The following PSMC3 variants were observed in gnomAD, a reference collection of about 807,000 sequenced individuals.
PSMC3 encodes proteasome 26S subunit, ATPase 3, also known as 26S proteasome regulatory subunit 6A.
PSMC3 carries 11 observed loss-of-function variants against 52.0 expected under a neutral mutation model. The ratio of observed to expected loss-of-function variants is 0.21; its 90% CI spans 0.13 to 0.35. PSMC3 has a LOEUF of 0.35. PSMC3 is among the 10% of genes least tolerant of loss of function. The probability of loss-of-function intolerance (pLI) is 1.00; values close to 1 mark genes in which losing one functional copy is unlikely to be tolerated. For synonymous variants in PSMC3, 201 were observed against 218.8 expected (o/e 0.92, Z 0.72); for missense variants, 238 against 567.1 (o/e 0.42, Z 5.89).
At chr11:47,419,921 T>A (rs3781627) in intron 10 of PSMC3, among the ~76,000 whole-genome samples, 103,617 of 151,620 alleles carry the variant, frequency 0.68, 35,347 homozygotes, top group East Asian at 0.71. Context: ...CTGAGAGTCA[T>A]ACATATCTGA....
rs2096041267 is a variant in PSMC3 at position 47,422,056 on chromosome 11, T to C, written c.884+518A>G. Among the ~76,000 whole-genome samples, 1 of 151,772 alleles carries C rather than the reference T, an allele frequency of 6.6e-6. No individual in the cohort carries two copies. The highest frequency in any genetic ancestry group is 6.6e-5 in the Admixed American group (1 of 15,228). On this transcript the variant is annotated intron_variant, in intron 8 of 11. Transcript: ENST00000298852. The surrounding 1 kb of genome is among the most constrained non-coding windows in gnomAD (Gnocchi z 4.3). ...TTTTTTTGTTTTGTTTTCTTTTTTT[T>C]TTTTTGAGACAGAGTCTCACTCTTT... is the stretch of plus-strand genomic sequence containing the variant.
intron 2 of PSMC3, chr11:47,425,605 T>C: frequency 1.8e-6 from 1 of 542,196 alleles, no homozygotes; most frequent in African/African-American, 1.9e-5. Context: ...AAAAGAAGGA[T>C]TCTTGAGAGG....
rs1319121113 is a variant in PSMC3, at chr11:47,422,415, T to A, written c.884+159A>T. 1.3e-5 allele frequency among the ~76,000 whole-genome samples: 2 copies of A among 152,014 alleles called. No homozygotes were observed. Among genetic ancestry groups the A allele is most frequent in the Non-Finnish European group, 2.9e-5 (2 of 67,992 alleles). On this transcript the variant is annotated intron_variant, in intron 8 of 11. Coordinates refer to ENST00000298852, the MANE Select transcript of PSMC3 (RefSeq NM_002804.5). The surrounding 1 kb of genome is among the most constrained non-coding windows in gnomAD (Gnocchi z 4.3). ...GCTGGGGAAACAGGGAGGCTATTGA[T>A]CAGGAGTTAGGAATTGGAATCTCAA...
Position 47,424,564 on chromosome 11 carries a change from C to G in PSMC3, c.390+43G>C. The G allele has an allele frequency of 6.2e-7, 1 of 1,604,876 alleles. No homozygotes were observed. Among genetic ancestry groups the G allele is most frequent in the Admixed American group, 1.7e-5 (1 of 60,004 alleles). ...GCTCCCTAGTCCTGTCCCACATCCG[C>G]TCCTCACCCTCCTCCAGTCTCTCAT... On this transcript the variant is annotated intron_variant, in intron 4 of 11. Coordinates refer to ENST00000298852, the MANE Select transcript of PSMC3 (RefSeq NM_002804.5). This position sits in a 1 kb window ranked among gnomAD's most constrained non-coding sequence, Gnocchi z 4.8.
At chr11:47,425,058 C>T (rs1381080376) in intron 3 of PSMC3, 63 bp downstream of exon 3, 2 of 1,606,680 alleles carry the variant, frequency 1.2e-6, no homozygotes, top group South Asian at 1.1e-5. Flanking sequence ...CCCTAGTGGC[C>T]CCACCCCAGG....
chr11:47,423,995 G>T (rs760564459), intron 6 of PSMC3, 51 bp downstream of exon 6: 1 of 1,613,036 alleles, frequency 6.2e-7, no homozygotes, highest in East Asian at 2.2e-5. Context: ...CAATGGCGTG[G>T]AGAAACTAAA....
rs943357132 is a variant in PSMC3 at position 47,426,226 on chromosome 11, C to G, written c.54G>C (p.Ala18=). 1 of 1,560,412 alleles carries G rather than the reference C, an allele frequency of 6.4e-7. No homozygotes were observed. Among genetic ancestry groups the G allele is most frequent in the African/African-American group, 1.4e-5 (1 of 73,496 alleles). The change falls in exon 1 of 12, where the codon GCG becomes GCC. Residue 18 remains alanine (A), a synonymous_variant. Transcript: ENST00000298852. ...ESPVTRQEKM[A]TVWDEAEQDG... Reference sequence around the variant, plus strand: ...CCACCTCGGCCTCATCCCACACGGTCGCCATCTTCTCCTGCCGAGTCACTG... The same window carrying G: ...CCACCTCGGCCTCATCCCACACGGTGGCCATCTTCTCCTGCCGAGTCACTG...
intron 10 of PSMC3, among the ~76,000 whole-genome samples, chr11:47,419,832 C>A (rs1343647744): frequency 2.0e-5 from 3 of 151,428 alleles, no homozygotes; most frequent in Admixed American, 6.6e-5. Context: ...GTACTCCAGC[C>A]TGGGCGACAG....
intron 10 of PSMC3, among the ~76,000 whole-genome samples, chr11:47,419,795 C>G (rs2096038075): frequency 6.6e-6 from 1 of 151,504 alleles, no homozygotes; most frequent in Non-Finnish European, 1.5e-5. Flanking sequence ...GGAGGCGGAG[C>G]TTGCAGTGAG....
intron 2 of PSMC3, 24 bp downstream of exon 2, chr11:47,425,843 C>T (rs1052932213): frequency 6.2e-7 from 1 of 1,604,154 alleles, no homozygotes; most frequent in Non-Finnish European, 8.5e-7. Flanking sequence ...GGCTCCATCG[C>T]CCGCACAGGA....
intron 2 of PSMC3, 91 bp from the exon 3 acceptor site, chr11:47,425,337 G>C: frequency 6.8e-7 from 1 of 1,479,950 alleles, no homozygotes; most frequent in Non-Finnish European, 9.3e-7. Context: ...GTGCCCAGGG[G>C]ACCCTCCCGC....
Position 47,420,468 on chromosome 11 carries a change from G to A in PSMC3, c.982-59C>T, listed in dbSNP as rs1410354896. ...AGGTGTTCACAGATGGGCAGACACG[G>A]TCAAAAAAGGCAGAGAGGCAGCCCC... On this transcript the variant is annotated intron_variant, in intron 9 of 11. Coordinates refer to ENST00000298852, the MANE Select transcript of PSMC3 (RefSeq NM_002804.5). 6 of 1,576,684 alleles carry A rather than the reference G, an allele frequency of 3.8e-6. No individual in the cohort carries two copies. In the African/African-American group the frequency reaches 8.1e-5, roughly 21 times the overall value.
Position 47,418,804 on chromosome 11 carries a change from C to T in PSMC3, c.*31G>A. ...CTAAACCATCTTTTATTGCGCACTT[C>T]AGCCGTGAGACTGGGGCTGGCCTGT... is the stretch of plus-strand genomic sequence containing the variant. On this transcript the variant is annotated 3_prime_UTR_variant, in exon 12 of 12. Transcript: ENST00000298852. The T allele has an allele frequency of 1.9e-6, 3 of 1,586,624 alleles. No homozygotes were observed.
intron 3 of PSMC3, 87 bp downstream of exon 3, chr11:47,425,034 T>A: frequency 6.3e-7 from 1 of 1,577,944 alleles, no homozygotes; most frequent in Non-Finnish European, 8.7e-7. Flanking sequence ...CCTCAATACC[T>A]CCACCCACTC....
chr11:47,422,333 T>C lies in PSMC3; in HGVS notation c.884+241A>G, dbSNP rs2096041577. Among the ~76,000 whole-genome samples the C allele has an allele frequency of 6.6e-6, 1 of 152,148 alleles. No homozygotes were observed. The highest frequency in any genetic ancestry group is 1.5e-5 in the Non-Finnish European group (1 of 68,030). On this transcript the variant is annotated intron_variant, in intron 8 of 11. Transcript: ENST00000298852. The surrounding 1 kb of genome is among the most constrained non-coding windows in gnomAD (Gnocchi z 4.3). ...CTGGGATTACAGGCGTGAGCCACCGTGCCCGGCCCAGATTCCTGTTTTGAA... is the reference window on the plus strand; with the variant it reads ...CTGGGATTACAGGCGTGAGCCACCGCGCCCGGCCCAGATTCCTGTTTTGAA...
At position 47,422,775 on chromosome 11, in the gene PSMC3, C is replaced by A; in HGVS notation, c.736-53G>T. 1 of 1,608,458 alleles carries A rather than the reference C, an allele frequency of 6.2e-7. No homozygotes were observed. The highest frequency in any genetic ancestry group is 8.5e-7 in the Non-Finnish European group (1 of 1,175,806). ...TCAAAGGCAGACCCTTTGAGCCCAT[C>A]TGGTAGAGTTTCTGCTCCTGCCCAC... On this transcript the variant is annotated intron_variant, in intron 7 of 11. Transcript: ENST00000298852. This position sits in a 1 kb window ranked among gnomAD's most constrained non-coding sequence, Gnocchi z 4.3.
Position 47,422,965 on chromosome 11 carries a change from C to T in PSMC3, c.600G>A (p.Glu200=), listed in dbSNP as rs2096042390. The T allele has an allele frequency of 6.2e-7, 1 of 1,608,974 alleles. No individual in the cohort carries two copies. Among genetic ancestry groups the T allele is most frequent in the Non-Finnish European group, 8.5e-7 (1 of 1,177,596 alleles). The part of the protein sequence containing the change: ...GLDKQIQELV[E]AIVLPMNHKE... Reference sequence around the variant, plus strand: ...TGTGGTTCATTGGCAAGACAATGGCCTCCACCAGCTGCCAGGAGGAAGTCC... The same window carrying T: ...TGTGGTTCATTGGCAAGACAATGGCTTCCACCAGCTGCCAGGAGGAAGTCC... Residue 200 remains glutamate, a synonymous_variant, in exon 7 of 12, where the codon GAG becomes GAA. Transcript: ENST00000298852. The surrounding 1 kb of genome is among the most constrained non-coding windows in gnomAD (Gnocchi z 4.3).
chr11:47,419,853 T>A (rs745643501), intron 10 of PSMC3, among the ~76,000 whole-genome samples: 1 of 149,370 alleles, frequency 6.7e-6, no homozygotes, highest in Non-Finnish European at 1.5e-5. Context: ...AGCGAGACAC[T>A]GTCTCCAAAA....
chr11:47,420,150 G>A (rs892692409), intron 10 of PSMC3, 114 bp downstream of exon 10: 1 of 1,269,668 alleles, frequency 7.9e-7, no homozygotes, highest in African/African-American at 1.5e-5. Flanking sequence ...TGTGTGCCTG[G>A]GGCCTGGGAG....
Sources: gnomAD v4.1 joint callset for allele counts (sites outside exome capture counted in the v4.1 genomes callset) on GRCh38, gnomAD v4.1.1 for gene constraint, Gnocchi (gnomAD v3.1) non-coding constraint, MANE v1.5 for transcripts, NCBI Gene and HGNC (gene_info 2026-07-23, HGNC 2026-07-21) for gene names.